Variants in BRCA2 observed in about 807,000 individuals in gnomAD.
The protein encoded by BRCA2 is BRCA2 DNA repair associated.
BRCA2 carries 203 observed loss-of-function variants against 276.7 expected under a neutral mutation model. The ratio of observed to expected loss-of-function variants is 0.73; its 90% CI spans 0.65 to 0.82. BRCA2 has a LOEUF of 0.82. Ranked by LOEUF, BRCA2 falls within the 40% of genes least tolerant of loss-of-function variation. The pLI, the probability that BRCA2 is intolerant of heterozygous loss-of-function variation, is 0.00. For missense variants in BRCA2, 3,920 were observed against 3,915.0 expected, an observed-to-expected ratio of 1.00 and a Z score of -0.03; for synonymous variants, 1,289 against 1,338.4, an observed-to-expected ratio of 0.96 and a Z score of 0.81.
At chr13:32,332,192 T>C in intron 9 of BRCA2, 80 bp from the exon 10 acceptor site, 2 of 1,331,392 alleles carry the variant, frequency 1.5e-6, no homozygotes, top group South Asian at 1.4e-5. Flanking sequence ...ATAAACTGTT[T>C]CTATGAGAAA....
In BRCA2 at chr13:32,332,383, C is replaced by T. The variant is rs80359158; in HGVS notation, c.905C>T (p.Thr302Ile). ...GAAGTATATGAAACAGTTGTAGATA[C>T]CTCTGAAGAAGATAGTTTTTCATTA... ...EDEVYETVVDTSEEDSFSLCF... is the reference protein window; with the variant it reads ...EDEVYETVVDISEEDSFSLCF... Residue 302 changes from threonine (T) to isoleucine (I), a missense_variant, in exon 10 of 27, where the codon ACC becomes ATC. Around this residue, in one of 2 missense-constraint regions of BRCA2, gnomAD observed 3,263 missense variants for 3,156.9 expected, o/e 1.03. Coordinates refer to ENST00000380152, the MANE Select transcript of BRCA2 (RefSeq NM_000059.4). 7 of 1,592,436 alleles carry T rather than the reference C, an allele frequency of 4.4e-6. No homozygotes were observed. In the South Asian group the frequency reaches 4.6e-5, roughly 10 times the overall value.
intron 25 of BRCA2, among the ~76,000 whole-genome samples, chr13:32,395,319 GATTAT>G (rs1171265012): frequency 4.6e-5 from 7 of 152,264 alleles, no homozygotes; most frequent in Admixed American, 4.6e-4. Flanking sequence ...GTTTTATACA[GATTAT>G]ATTTCTTTGA....
Position 32,398,356 on chromosome 13 carries a change from A to G in BRCA2, c.9843A>G (p.Pro3281=), listed in dbSNP as rs11571832. The G allele has an allele frequency of 7.2e-5, 117 of 1,614,082 alleles. No homozygotes were observed. In the African/African-American group the frequency reaches 1.1e-3, roughly 16 times the overall value. Residue 3281 remains proline, a synonymous_variant, in exon 27 of 27, where the codon CCA becomes CCG. Coordinates refer to ENST00000380152, the MANE Select transcript of BRCA2 (RefSeq NM_000059.4). ...LDFLSRLPLP[P]PVSPICTFVS... The stretch of plus-strand genomic sequence containing the variant: ...TCTTGAGTAGACTGCCTTTACCTCC[A>G]CCTGTTAGTCCCATTTGTACATTTG...
intron 24 of BRCA2, chr13:32,384,518 G>T: frequency 6.5e-6 from 1 of 153,674 alleles, no homozygotes. Context: ...TTATGGGGGA[G>T]CCTGTGCTTG....
chr13:32,366,362 C>G (rs1225304946), intron 18 of BRCA2, among the ~76,000 whole-genome samples: 5 of 152,112 alleles, frequency 3.3e-5, no homozygotes, highest in Non-Finnish European at 7.4e-5. Context: ...TATGTGTATA[C>G]TCTTTTACGT....
At chr13:32,344,480 A>G (rs1415787700) in intron 11 of BRCA2, 78 bp from the exon 12 acceptor site, 7 of 936,552 alleles carry the variant, frequency 7.5e-6, no homozygotes, top group Non-Finnish European at 1.2e-5. Flanking sequence ...TTAGCTTTAA[A>G]AAAATGGTCT....
At chr13:32,358,504 T>C (rs1202317927) in intron 16 of BRCA2, among the ~76,000 whole-genome samples, 1 of 137,350 alleles carries the variant, frequency 7.3e-6, no homozygotes, top group Non-Finnish European at 1.6e-5. Flanking sequence ...AAAAGTTAAA[T>C]TTGAGGGCCA....
intron 10 of BRCA2, among the ~76,000 whole-genome samples, chr13:32,334,913 C>T (rs1179183688): frequency 1.3e-5 from 2 of 152,096 alleles, no homozygotes; most frequent in East Asian, 3.8e-4. Context: ...ATTTTATCTC[C>T]CTATGAGAAG....
At chr13:32,329,576 A>G in intron 8 of BRCA2, 84 bp downstream of exon 8, 1 of 1,102,716 alleles carries the variant, frequency 9.1e-7, no homozygotes, top group Non-Finnish European at 1.3e-6. Flanking sequence ...TTACATTTTT[A>G]ATTTCCTAAT....
chr13:32,390,331 C>T (rs2072988470), intron 24 of BRCA2, among the ~76,000 whole-genome samples: 1 of 152,032 alleles, frequency 6.6e-6, no homozygotes, highest in South Asian at 2.1e-4. Context: ...GTAGCTAATG[C>T]TTGTAATCCC....
chr13:32,326,428 T>C, intron 6 of BRCA2, 71 bp from the exon 7 acceptor site: 1 of 1,452,398 alleles, frequency 6.9e-7, no homozygotes, highest in Non-Finnish European at 9.6e-7. Context: ...AAATAAAGAG[T>C]GAATGAAAAA....
At chr13:32,388,217 C>T (rs2072974430) in intron 24 of BRCA2, among the ~76,000 whole-genome samples, 1 of 151,524 alleles carries the variant, frequency 6.6e-6, no homozygotes, top group Non-Finnish European at 1.5e-5. Flanking sequence ...CTCCCCAGCT[C>T]AAGCAATTAT....
chr13:32,346,284 C>A (rs1477802354), intron 12 of BRCA2, among the ~76,000 whole-genome samples: 1 of 151,626 alleles, frequency 6.6e-6, no homozygotes, highest in African/African-American at 2.4e-5. Context: ...CCATTTTGCA[C>A]CTTGTTTATT....
rs756185318 is a variant in BRCA2 at position 32,396,933 on chromosome 13, G to A, written c.9537G>A (p.Lys3179=). Reference sequence around the variant, plus strand: ...TACTTTGCAATGAAGCAGAAAACAAGCTTATGCATATACTGCATGCAAATG... The same window carrying A: ...TACTTTGCAATGAAGCAGAAAACAAACTTATGCATATACTGCATGCAAATG... ...IDILCNEAEN[K]LMHILHANDP... is the part of the protein sequence containing the mutation. The change falls in exon 26 of 27, where the codon AAG becomes AAA. Residue 3179 remains lysine, a synonymous_variant. Transcript: ENST00000380152. The A allele has an allele frequency of 3.7e-6, 6 of 1,613,938 alleles. No individual in the cohort carries two copies. Among genetic ancestry groups the A allele is most frequent in the South Asian group, 1.1e-5 (1 of 91,086 alleles).
intron 24 of BRCA2, 51 bp downstream of exon 24, chr13:32,380,196 G>A (rs772235376): frequency 1.3e-6 from 2 of 1,551,698 alleles, no homozygotes; most frequent in Non-Finnish European, 1.7e-6. Flanking sequence ...AAAAAACATT[G>A]TCTTTTAAAA....
At chr13:32,372,230 G>A (rs1322891079) in intron 20 of BRCA2, among the ~76,000 whole-genome samples, 1 of 152,116 alleles carries the variant, frequency 6.6e-6, no homozygotes, top group Non-Finnish European at 1.5e-5. Flanking sequence ...TAAATCCTTT[G>A]TTGTCATTTC....
In BRCA2 at chr13:32,398,169, C is replaced by T. The variant is rs1419761928; in HGVS notation, c.9656C>T (p.Ser3219Phe). Residue 3219 changes from serine (S) to phenylalanine (F), a missense_variant, in exon 27 of 27, where the codon TCT becomes TTT. This residue lies in a region of BRCA2 where 657 missense variants were observed against 758.2 expected (regional missense o/e 0.87). Transcript: ENST00000380152. The part of the protein sequence containing the change: ...PGTGNKLLMS[S>F]PNCEIYYQSP... Reference sequence around the variant, plus strand: ...TTTTCATTTTTTTATCAGATGTCTTCTCCTAATTGTGAGATATATTATCAA... The same window carrying T: ...TTTTCATTTTTTTATCAGATGTCTTTTCCTAATTGTGAGATATATTATCAA... 6.2e-7 allele frequency: 1 copy of T among 1,608,288 alleles called. No individual in the cohort carries two copies. Among genetic ancestry groups the T allele is most frequent in the South Asian group, 1.1e-5 (1 of 90,194 alleles).
chr13:32,376,916 A>G (rs774733569), intron 21 of BRCA2, 125 bp downstream of exon 21: 4 of 1,387,824 alleles, frequency 2.9e-6, no homozygotes, highest in Admixed American at 2.0e-5. Context: ...AGGGATGTGT[A>G]CATTTCTGGG....
intron 25 of BRCA2, among the ~76,000 whole-genome samples, chr13:32,395,614 G>A (rs996745511): frequency 3.3e-5 from 5 of 152,168 alleles, no homozygotes; most frequent in Non-Finnish European, 7.3e-5. Flanking sequence ...GCCATCGAAT[G>A]CAGAACCCAG....
Sources: gnomAD v4.1 joint callset for allele counts (sites outside exome capture counted in the v4.1 genomes callset) on GRCh38, gnomAD v4.1.1 for gene constraint, gnomAD v4.1.1 regional missense constraint, MANE v1.5 for transcripts, NCBI Gene and HGNC (gene_info 2026-07-23, HGNC 2026-07-21) for gene names.